TECPR2: variants seen among roughly 807,000 people sequenced by gnomAD.
The protein encoded by TECPR2 is tectonin beta-propeller repeat containing 2, also known as tectonin beta-propeller repeat-containing protein 2.
A neutral mutation model predicts 138.1 loss-of-function variants in TECPR2; 65 were observed. The ratio of observed to expected loss-of-function variants is 0.47; its 90% CI spans 0.39 to 0.58. TECPR2 has a LOEUF of 0.58. TECPR2 is among the 20% of genes least tolerant of loss of function. The pLI is 0.00. For synonymous variants in TECPR2, 746 were observed against 749.8 expected (o/e 0.99, Z 0.08); for missense variants, 1,553 against 1,824.5 (o/e 0.85, Z 2.71).
At chr14:102,456,050 G>A (rs1247926521) in intron 16 of TECPR2, among the ~76,000 whole-genome samples, 2 of 152,124 alleles carry the variant, frequency 1.3e-5, no homozygotes, top group African/African-American at 2.4e-5. Flanking sequence ...CACCATGCCC[G>A]GCCTTGGTTT....
chr14:102,437,726 C>T (rs900874774), intron 9 of TECPR2, among the ~76,000 whole-genome samples: 40 of 152,090 alleles, frequency 2.6e-4, no homozygotes, highest in African/African-American at 9.2e-4. Flanking sequence ...GCAGCTCCTT[C>T]GTAACGTGAT....
At chr14:102,422,442 C>T (rs941533850) in intron 5 of TECPR2, among the ~76,000 whole-genome samples, 1 of 152,088 alleles carries the variant, frequency 6.6e-6, no homozygotes, top group Non-Finnish European at 1.5e-5. Context: ...TTTCTAAGAA[C>T]CTGTGGACGC....
Position 102,430,069 on chromosome 14 carries a change from C to T in TECPR2, c.1084+1687C>T, listed in dbSNP as rs144701578. Among the ~76,000 whole-genome samples, 100 of 152,148 alleles carry T rather than the reference C, an allele frequency of 6.6e-4. 1 individual carries two copies. The highest frequency in any genetic ancestry group is 2.3e-3 in the African/African-American group (96 of 41,518). ...GCAACCTCCACCTCCTGGGTTCAAA[C>T]GATTCTCCTGCCTTAGCCTCCCGAA... is the stretch of plus-strand genomic sequence containing the variant. On this transcript the variant is annotated intron_variant, in intron 7 of 19. Coordinates refer to ENST00000359520, the MANE Select transcript of TECPR2 (RefSeq NM_014844.5).
chr14:102,452,184 C>T (rs892186117), intron 15 of TECPR2, among the ~76,000 whole-genome samples: 3 of 152,212 alleles, frequency 2.0e-5, no homozygotes, highest in Non-Finnish European at 4.4e-5. Context: ...ACATCTCAGG[C>T]GTGTTTCTTG....
intron 2 of TECPR2, among the ~76,000 whole-genome samples, chr14:102,394,219 A>C (rs143970623): frequency 5.0e-4 from 76 of 152,248 alleles, no homozygotes; most frequent in Non-Finnish European, 8.7e-4. Flanking sequence ...ATTCACGGAG[A>C]AAGTATCGAG....
At chr14:102,469,198 C>T (rs1178914653) in intron 17 of TECPR2, among the ~76,000 whole-genome samples, 1 of 152,136 alleles carries the variant, frequency 6.6e-6, no homozygotes, top group Non-Finnish European at 1.5e-5. Context: ...GAAAATCTTC[C>T]AGTCTGTGAA....
At position 102,499,199 on chromosome 14, in the gene TECPR2, G is replaced by C. The variant is rs906121630; in HGVS notation, c.*942G>C. On this transcript the variant is annotated 3_prime_UTR_variant, in exon 20 of 20. Transcript: ENST00000359520. ...CGGCACAGGAGGGTGCATGGGGCGT[G>C]GGGGAGCTGAGCAAGGGTCGCTCAC... 1.1e-5 allele frequency: 8 copies of C among 700,422 alleles called. No homozygotes were observed. Among genetic ancestry groups the C allele is most frequent in the East Asian group, 5.4e-5 (2 of 37,182 alleles). The allele number at this position is 700,422 out of a possible 1,614,324, so 43.4% of individuals were successfully genotyped here.
rs2139710293 is a variant in TECPR2 at position 102,420,626 on chromosome 14, C to G, written c.639-4353C>G. Among the ~76,000 whole-genome samples the G allele has an allele frequency of 6.6e-6, 1 of 152,276 alleles. No individual in the cohort carries two copies. Among genetic ancestry groups the G allele is most frequent in the Non-Finnish European group, 1.5e-5 (1 of 68,024 alleles). On this transcript the variant is annotated intron_variant, in intron 5 of 19. Transcript: ENST00000359520. This position sits in a 1 kb window ranked among gnomAD's most constrained non-coding sequence, Gnocchi z 4.1. ...TAACTAGGACTACAGGCACGCACCACCATGCCTGGCTAAATTTTTTAATTT... is the reference window on the plus strand; with the variant it reads ...TAACTAGGACTACAGGCACGCACCAGCATGCCTGGCTAAATTTTTTAATTT...
At position 102,501,713 on chromosome 14, in the gene TECPR2, G is replaced by A. The variant is rs1022836448; in HGVS notation, c.*3456G>A. 3 of 152,132 alleles carry A rather than the reference G, an allele frequency of 2.0e-5. No homozygotes were observed. Among genetic ancestry groups the A allele is most frequent in the Non-Finnish European group, 4.4e-5 (3 of 68,038 alleles). 9.4% of individuals were successfully genotyped at this position (152,132 alleles called of 1,614,324 possible). A position where few individuals can be genotyped will look rare whatever the true frequency, so the allele number is the denominator to read the frequency against. ...GCAGCATGTATACAAAAATTGCAAC[G>A]ATACAGAGATTAGCATGGCCCCTGC... On this transcript the variant is annotated 3_prime_UTR_variant, in exon 20 of 20. Transcript: ENST00000359520.
chr14:102,440,702 T>C, intron 11 of TECPR2, 93 bp downstream of exon 11: 1 of 1,435,318 alleles, frequency 7.0e-7, no homozygotes, highest in Admixed American at 2.3e-5. Context: ...CCACAATCGC[T>C]ATGATTAAGA....
At chr14:102,392,771 A>G (rs1381124378) in intron 2 of TECPR2, among the ~76,000 whole-genome samples, 3 of 152,146 alleles carry the variant, frequency 2.0e-5, no homozygotes, top group Non-Finnish European at 4.4e-5. Flanking sequence ...GATGGGGTTT[A>G]TGTTTACCAA....
At chr14:102,497,491 C>T (rs982238692) in intron 18 of TECPR2, 79 bp from the exon 19 acceptor site, 5 of 1,405,978 alleles carry the variant, frequency 3.6e-6, no homozygotes, top group African/African-American at 1.4e-5. Flanking sequence ...AGGTGTGCAG[C>T]GTCACAAGAG....
At position 102,406,648 on chromosome 14, in the gene TECPR2, G is replaced by T. The variant is rs1252725532; in HGVS notation, c.220-690G>T. Among the ~76,000 whole-genome samples the T allele has an allele frequency of 2.0e-5, 3 of 152,092 alleles. No homozygotes were observed. The East Asian group carries it at 5.8e-4, about 29-fold the overall frequency. On this transcript the variant is annotated intron_variant, in intron 2 of 19. Coordinates refer to ENST00000359520, the MANE Select transcript of TECPR2 (RefSeq NM_014844.5). ...GCAGGAAGATCCCTTGTGCCCAGGA[G>T]ATTGAGACCAGCCTGGGCAATATAG...
intron 17 of TECPR2, among the ~76,000 whole-genome samples, chr14:102,489,497 G>A (rs1209534227): frequency 6.6e-6 from 1 of 151,834 alleles, no homozygotes; most frequent in African/African-American, 2.4e-5. Flanking sequence ...ACAAGGTCAG[G>A]AGTTCAAGAC....
chr14:102,367,994 CTTTTTTTTTTTTTTT>C (rs56325877), intron 1 of TECPR2, among the ~76,000 whole-genome samples: 7 of 65,836 alleles, frequency 1.1e-4, no homozygotes, highest in Admixed American at 7.8e-4. Flanking sequence ...GCTTATTGGC[CTTTTTTTTTTTTTTT>C]TTTTTTTTTT....
chr14:102,400,137 C>G (rs540634110), intron 2 of TECPR2, among the ~76,000 whole-genome samples: 16 of 151,610 alleles, frequency 1.1e-4, no homozygotes, highest in Middle Eastern at 3.4e-3. Flanking sequence ...CATCTGCCTC[C>G]CGGGTTCAAG....
intron 4 of TECPR2, among the ~76,000 whole-genome samples, chr14:102,413,833 C>T (rs1011261095): frequency 2.0e-5 from 3 of 151,678 alleles, no homozygotes; most frequent in East Asian, 1.9e-4. Context: ...GAGTCTCACT[C>T]TGCTACCTGG....
chr14:102,412,578 A>G (rs569431282), intron 4 of TECPR2, among the ~76,000 whole-genome samples: 5 of 152,240 alleles, frequency 3.3e-5, no homozygotes, highest in African/African-American at 1.2e-4. Context: ...TGAGAGCAAC[A>G]AATACCATTA....
intron 1 of TECPR2, 57 bp downstream of exon 1, chr14:102,363,173 C>T: frequency 6.2e-6 from 2 of 323,598 alleles, no homozygotes; most frequent in Non-Finnish European, 1.1e-5. Flanking sequence ...CGACGCCTGG[C>T]CCCGAGCCCC....
Sources: allele counts gnomAD v4.1 joint callset (sites outside exome capture counted in the v4.1 genomes callset), GRCh38; gene constraint gnomAD v4.1.1; non-coding constraint Gnocchi (gnomAD v3.1); transcripts MANE v1.5; gene names NCBI Gene and HGNC (gene_info 2026-07-23, HGNC 2026-07-21).